Variants in ACVR2A observed in about 807,000 individuals in gnomAD.
ACVR2A encodes activin receptor type-2A.
Under a neutral mutation model 61.4 loss-of-function variants are expected in ACVR2A, and 7 were observed. That is an observed-to-expected ratio of 0.11 (90% CI 0.06 to 0.21). ACVR2A has a LOEUF of 0.21. Among genes scored for constraint, ACVR2A ranks in the 10% least tolerant of loss-of-function variants. ACVR2A has a pLI of 1.00. For synonymous variants in ACVR2A, 193 were observed against 208.3 expected (o/e 0.93, Z 0.63); for missense variants, 322 against 621.7 (o/e 0.52, Z 5.13).
At position 147,887,697 on chromosome 2, in the gene ACVR2A, T is replaced by C. The variant is rs539140947; in HGVS notation, c.56-8604T>C. ...TGGCTAAATCAAACAAATTAACATA[T>C]CTATTACCTCACATATGCAGTACTT... On this transcript the variant is annotated intron_variant, in intron 1 of 10. Coordinates refer to ENST00000241416, the MANE Select transcript of ACVR2A (RefSeq NM_001616.5). Among the ~76,000 whole-genome samples the C allele has an allele frequency of 7.9e-5, 12 of 152,264 alleles. No individual in the cohort carries two copies. The East Asian group carries it at 1.9e-3, about 24-fold the overall frequency.
chr2:147,879,372 T>G (rs1239000175), intron 1 of ACVR2A, among the ~76,000 whole-genome samples: 1 of 152,194 alleles, frequency 6.6e-6, no homozygotes, highest in Non-Finnish European at 1.5e-5. Context: ...CTTTTTATAA[T>G]GGCATTAATC....
chr2:147,915,113 C>G (rs988877127), intron 4 of ACVR2A, 78 bp from the exon 5 acceptor site: 2 of 1,394,282 alleles, frequency 1.4e-6, no homozygotes, highest in Non-Finnish European at 2.0e-6. Context: ...TTTCAGTATA[C>G]TCACTTTTTT....
intron 1 of ACVR2A, among the ~76,000 whole-genome samples, chr2:147,889,258 G>A (rs1417817530): frequency 1.3e-5 from 2 of 152,008 alleles, no homozygotes; most frequent in African/African-American, 4.8e-5. Flanking sequence ...GAGAGATACC[G>A]GTCTGTGTTT....
At chr2:147,893,003 C>G (rs1051264488) in intron 1 of ACVR2A, among the ~76,000 whole-genome samples, 2 of 152,002 alleles carry the variant, frequency 1.3e-5, no homozygotes, top group African/African-American at 4.8e-5. Flanking sequence ...TCATAATACA[C>G]CCTAGTCAAG....
intron 4 of ACVR2A, among the ~76,000 whole-genome samples, chr2:147,911,836 C>T (rs1237246261): frequency 6.6e-6 from 1 of 152,004 alleles, no homozygotes; most frequent in East Asian, 1.9e-4. Flanking sequence ...TAGAAGTTAA[C>T]ACCTTAACGG....
At chr2:147,877,046 A>G (rs1003649788) in intron 1 of ACVR2A, among the ~76,000 whole-genome samples, 1 of 151,988 alleles carries the variant, frequency 6.6e-6, no homozygotes, top group Non-Finnish European at 1.5e-5. Flanking sequence ...ACACGTCTTG[A>G]TCGCAGGATT....
In ACVR2A at chr2:147,917,172, C is replaced by CT. The variant is rs1687265585; in HGVS notation, c.673-105dup. On this transcript the variant is annotated intron_variant, in intron 5 of 10. Transcript: ENST00000241416. ...AAACAGAACAAAAAATTTTTTAAGA[C>CT]TTTTTTGTTTTGTTTTGTTTTACTT... 3 of 1,206,178 alleles carry CT rather than the reference C, an allele frequency of 2.5e-6. No individual in the cohort carries two copies. The South Asian group carries it at 6.3e-5, about 25-fold the overall frequency. The allele number at this position is 1,206,178 out of a possible 1,614,324, so 74.7% of individuals were successfully genotyped here.
chr2:147,893,104 C>A (rs989825476), intron 1 of ACVR2A, among the ~76,000 whole-genome samples: 2 of 152,118 alleles, frequency 1.3e-5, no homozygotes, highest in Non-Finnish European at 2.9e-5. Flanking sequence ...TTCTGGCAAT[C>A]TCTGAGCTGA....
At chr2:147,884,636 C>G (rs961445750) in intron 1 of ACVR2A, among the ~76,000 whole-genome samples, 1 of 152,118 alleles carries the variant, frequency 6.6e-6, no homozygotes, top group Non-Finnish European at 1.5e-5. Context: ...CTACCCAACC[C>G]AATAAACCAA....
intron 1 of ACVR2A, among the ~76,000 whole-genome samples, chr2:147,895,270 A>G (rs1230779837): frequency 6.6e-6 from 1 of 152,168 alleles, no homozygotes; most frequent in Non-Finnish European, 1.5e-5. Flanking sequence ...ACTATAGTAC[A>G]TAGTGCACTA....
intron 1 of ACVR2A, among the ~76,000 whole-genome samples, chr2:147,857,741 T>C (rs550172972): frequency 6.6e-6 from 1 of 152,170 alleles, no homozygotes; most frequent in East Asian, 1.9e-4. Flanking sequence ...TTCTATTTTA[T>C]AGTACCTACC....
intron 1 of ACVR2A, among the ~76,000 whole-genome samples, chr2:147,870,145 G>C (rs988441435): frequency 6.6e-6 from 1 of 151,766 alleles, no homozygotes; most frequent in East Asian, 1.9e-4. Context: ...GTCTTAATGT[G>C]GTGTATTCTC....
intron 1 of ACVR2A, among the ~76,000 whole-genome samples, chr2:147,887,681 C>G (rs1013688837): frequency 6.6e-6 from 1 of 152,066 alleles, no homozygotes; most frequent in Non-Finnish European, 1.5e-5. Flanking sequence ...ATGGCTAAAT[C>G]AAACAAATTA....
rs1386841474 is a variant in ACVR2A at position 147,904,734 on chromosome 2, A to T, written c.528+4836A>T. Among the ~76,000 whole-genome samples, 3 of 151,962 alleles carry T rather than the reference A, an allele frequency of 2.0e-5. No individual in the cohort carries two copies. The East Asian group carries it at 5.8e-4, about 29-fold the overall frequency. On this transcript the variant is annotated intron_variant, in intron 4 of 10. Transcript: ENST00000241416. ...GCCATCTGTGAAAATGCTTTGTAGG[A>T]TTTTCTTCTTGAACATGAGTTTATG... is the stretch of plus-strand genomic sequence containing the variant.
chr2:147,896,516 C>T lies in ACVR2A; in HGVS notation c.263+8C>T, dbSNP rs1239058670. On this transcript the variant is annotated splice_region_variant and intron_variant, in intron 2 of 10. Transcript: ENST00000241416. ...TATCAACTGCTATGACAGGTAAGAACACATTTAAGATTTTATGGTAGTATT... is the reference window on the plus strand; with the variant it reads ...TATCAACTGCTATGACAGGTAAGAATACATTTAAGATTTTATGGTAGTATT... 1 of 1,613,158 alleles carries T rather than the reference C, an allele frequency of 6.2e-7. No homozygotes were observed. The highest frequency in any genetic ancestry group is 8.5e-7 in the Non-Finnish European group (1 of 1,179,334).
intron 1 of ACVR2A, among the ~76,000 whole-genome samples, chr2:147,854,913 G>A (rs755353391): frequency 2.6e-5 from 4 of 151,356 alleles, no homozygotes; most frequent in Non-Finnish European, 4.4e-5. Flanking sequence ...ACTGAGTCTC[G>A]CTCTGTTGGC....
intron 1 of ACVR2A, among the ~76,000 whole-genome samples, chr2:147,871,795 G>T (rs1686025648): frequency 6.6e-6 from 1 of 152,032 alleles, no homozygotes; most frequent in Admixed American, 6.6e-5. Context: ...GGGTCACCTA[G>T]AGAGCTGCTT....
chr2:147,911,845 G>A (rs991057622), intron 4 of ACVR2A, among the ~76,000 whole-genome samples: 1 of 151,924 alleles, frequency 6.6e-6, no homozygotes, highest in African/African-American at 2.4e-5. Context: ...ACACCTTAAC[G>A]GCTCCATTCG....
At chr2:147,910,788 A>T (rs1249113325) in intron 4 of ACVR2A, among the ~76,000 whole-genome samples, 1 of 152,126 alleles carries the variant, frequency 6.6e-6, no homozygotes, top group Non-Finnish European at 1.5e-5. Context: ...GAGATGTGTG[A>T]TTACTTGTTC....
Sources: allele counts gnomAD v4.1 joint callset (sites outside exome capture counted in the v4.1 genomes callset), GRCh38; gene constraint gnomAD v4.1.1; transcripts MANE v1.5; gene names NCBI Gene and HGNC (gene_info 2026-07-23, HGNC 2026-07-21).